The following RPS6KC1 variants were observed in gnomAD, a reference collection of about 807,000 sequenced individuals.
The protein encoded by RPS6KC1 is ribosomal protein S6 kinase C1, also known as inactive ribosomal protein S6 kinase delta-1.
Under a neutral mutation model 103.8 loss-of-function variants are expected in RPS6KC1, and 54 were observed. That is an observed-to-expected ratio of 0.52 (90% CI 0.42 to 0.65). The LOEUF is 0.65. RPS6KC1 is among the 30% of genes least tolerant of loss of function. The pLI, the probability that RPS6KC1 is intolerant of heterozygous loss-of-function variation, is 0.00. For synonymous variants in RPS6KC1, 439 were observed against 438.7 expected, an observed-to-expected ratio of 1.00 and a Z score of -0.01; for missense variants, 1,151 against 1,253.8, an observed-to-expected ratio of 0.92 and a Z score of 1.24.
At chr1:213,853,816 T>C in the RPS6KC1 span, among the ~76,000 whole-genome samples, 1 of 152,216 alleles carries the variant, frequency 6.6e-6, no homozygotes, top group Non-Finnish European at 1.5e-5. Flanking sequence ...CCTGATGCTC[T>C]AAACTCTCAT....
chr1:213,753,525 T>G, the RPS6KC1 span, among the ~76,000 whole-genome samples: 2 of 152,128 alleles, frequency 1.3e-5, no homozygotes, highest in African/African-American at 4.8e-5. Context: ...TTGTGGATGG[T>G]CCCACCTTCA....
chr1:213,845,863 A>G, the RPS6KC1 span, among the ~76,000 whole-genome samples: 1 of 152,088 alleles, frequency 6.6e-6, no homozygotes, highest in Non-Finnish European at 1.5e-5. Context: ...AAACCCTTAA[A>G]ACAGTATTCT....
At chr1:213,859,206 A>T in the RPS6KC1 span, among the ~76,000 whole-genome samples, 1 of 152,340 alleles carries the variant, frequency 6.6e-6, no homozygotes, top group Non-Finnish European at 1.5e-5. Flanking sequence ...ACAAGAAAGT[A>T]ATAGGGCATA....
chr1:213,371,883 G>C, the RPS6KC1 span, among the ~76,000 whole-genome samples: 1 of 152,106 alleles, frequency 6.6e-6, no homozygotes, highest in Non-Finnish European at 1.5e-5. Context: ...CTGGGGGAGG[G>C]GGACCAGAAT....
At chr1:213,687,293 T>C in the RPS6KC1 span, among the ~76,000 whole-genome samples, 12 of 152,192 alleles carry the variant, frequency 7.9e-5, no homozygotes, top group Non-Finnish European at 1.6e-4. Context: ...TTCCCTGTTA[T>C]AGAGAGGCTT....
At chr1:213,855,784 T>C in the RPS6KC1 span, among the ~76,000 whole-genome samples, 1 of 152,280 alleles carries the variant, frequency 6.6e-6, no homozygotes, top group Admixed American at 6.5e-5. Context: ...GGTGACAGAC[T>C]TGCCATCCTT....
the RPS6KC1 span, among the ~76,000 whole-genome samples, chr1:213,685,339 T>C: frequency 6.6e-6 from 1 of 152,192 alleles, no homozygotes; most frequent in African/African-American, 2.4e-5. Context: ...ATCTGTAAGA[T>C]AAGACTTTAG....
intron 6 of RPS6KC1, 87 bp from the exon 7 acceptor site, chr1:213,167,771 C>A: frequency 1.6e-6 from 1 of 614,528 alleles, no homozygotes. Context: ...GAAATGTGAA[C>A]AAGCAGTGTA....
intron 6 of RPS6KC1, 134 bp from the exon 7 acceptor site, chr1:213,167,724 G>A: frequency 2.0e-6 from 1 of 492,500 alleles, no homozygotes; most frequent in Non-Finnish European, 3.6e-6. Flanking sequence ...TAACTTTCAT[G>A]TCTTTTCCAA....
At chr1:213,480,296 G>C in the RPS6KC1 span, among the ~76,000 whole-genome samples, 1,795 of 152,052 alleles carry the variant, frequency 0.012, 29 homozygotes, top group African/African-American at 0.041. Flanking sequence ...AATGCTTTAT[G>C]TATTTCTCCC....
chr1:213,468,976 T>G, the RPS6KC1 span, among the ~76,000 whole-genome samples: 1 of 152,162 alleles, frequency 6.6e-6, no homozygotes, highest in Admixed American at 6.5e-5. Flanking sequence ...AGGTCTCAGC[T>G]TACTTAGCGA....
the RPS6KC1 span, among the ~76,000 whole-genome samples, chr1:213,617,366 G>A: frequency 1.3e-5 from 2 of 152,160 alleles, no homozygotes; most frequent in Non-Finnish European, 2.9e-5. Context: ...CTGACACCAG[G>A]GATAGGAGAG....
chr1:213,077,746 A>G lies in RPS6KC1; in HGVS notation c.192A>G (p.Leu64=). 3.9e-6 allele frequency: 6 copies of G among 1,542,164 alleles called. No homozygotes were observed. The highest frequency in any genetic ancestry group is 1.8e-5 in the Admixed American group (1 of 56,962). ...ATTTTAAGAAACTACACAAAGAACT[A>G]TGGCAAATTCACAAAAACTTATTCC... is the stretch of plus-strand genomic sequence containing the variant. The part of the protein sequence containing the change: ...YSDFKKLHKE[L]WQIHKNLFRH... Residue 64 remains leucine (L), a synonymous_variant, in exon 3 of 15, where the codon CTA becomes CTG. Coordinates refer to ENST00000366960, the MANE Select transcript of RPS6KC1 (RefSeq NM_012424.6).
chr1:213,470,233 CTTT>C, the RPS6KC1 span, among the ~76,000 whole-genome samples: 3 of 152,146 alleles, frequency 2.0e-5, no homozygotes, highest in East Asian at 5.8e-4. Flanking sequence ...CCTCATCCTT[CTTT>C]TTGTTGCTAT....
At chr1:213,803,122 C>A in the RPS6KC1 span, among the ~76,000 whole-genome samples, 3 of 151,936 alleles carry the variant, frequency 2.0e-5, no homozygotes, top group Non-Finnish European at 2.9e-5. Flanking sequence ...AATCAAGTGG[C>A]AAGGTCAGGC....
chr1:213,058,113 G>C (rs2077508723), intron 1 of RPS6KC1, among the ~76,000 whole-genome samples: 1 of 145,218 alleles, frequency 6.9e-6, no homozygotes, highest in African/African-American at 2.6e-5. Flanking sequence ...GTGTTGCCAG[G>C]GCTGGAATGC....
the RPS6KC1 span, among the ~76,000 whole-genome samples, chr1:213,457,294 A>T: frequency 6.6e-6 from 1 of 152,112 alleles, no homozygotes; most frequent in African/African-American, 2.4e-5. Flanking sequence ...GCAACCCAGG[A>T]CCTTGAGCCA....
chr1:213,737,727 C>T, the RPS6KC1 span, among the ~76,000 whole-genome samples: 1 of 152,172 alleles, frequency 6.6e-6, no homozygotes, highest in Non-Finnish European at 1.5e-5. Flanking sequence ...CAACATGGCT[C>T]TACTACTGCA....
chr1:213,448,534 C>T, the RPS6KC1 span, among the ~76,000 whole-genome samples: 1 of 152,190 alleles, frequency 6.6e-6, no homozygotes, highest in Middle Eastern at 3.4e-3. Context: ...GGCGGGTCTT[C>T]GTAACAAGGG....
Sources: gnomAD v4.1 joint callset for allele counts (sites outside exome capture counted in the v4.1 genomes callset) on GRCh38, gnomAD v4.1.1 for gene constraint, MANE v1.5 for transcripts, NCBI Gene and HGNC (gene_info 2026-07-23, HGNC 2026-07-21) for gene names.